The following BRSK2 variants were observed in gnomAD, a reference collection of about 807,000 sequenced individuals.
BRSK2 encodes BR serine/threonine kinase 2.
BRSK2 carries 19 observed loss-of-function variants against 83.3 expected under a neutral mutation model. The ratio of observed to expected loss-of-function variants is 0.23; its 90% CI spans 0.16 to 0.33. The LOEUF (loss-of-function observed/expected upper bound fraction) is 0.33, where lower values mean the gene tolerates loss of function less well. Ranked by LOEUF, BRSK2 falls within the 10% of genes least tolerant of loss-of-function variation. The pLI is 1.00. For missense variants in BRSK2, 798 were observed against 1,042.3 expected (o/e 0.77, Z 3.23); for synonymous variants, 519 against 435.4 (o/e 1.19, Z -2.39).
chr11:1,392,241 G>A (rs542818934), intron 1 of BRSK2, among the ~76,000 whole-genome samples: 99 of 152,340 alleles, frequency 6.5e-4, no homozygotes, highest in African/African-American at 2.4e-3. Context: ...GCTCAAGAGG[G>A]AGATAGGCTT....
rs1160431925 is a variant in BRSK2 at position 1,390,543 on chromosome 11, C to G, written c.91+168C>G. ...CCCCGTCCGCTCGTGCGCCCCGGTT[C>G]CGCCGCGGATCCCGCAGGCCGCTTG... On this transcript the variant is annotated intron_variant, in intron 1 of 19. Transcript: ENST00000528841. The surrounding 1 kb of genome is among the most constrained non-coding windows in gnomAD (Gnocchi z 6.8). 7.0e-6 allele frequency among the ~76,000 whole-genome samples: 1 copy of G among 143,626 alleles called. No homozygotes were observed. Among genetic ancestry groups the G allele is most frequent in the African/African-American group, 2.5e-5 (1 of 40,284 alleles). The allele number at this position is 143,626 out of a possible 152,430, so 94.2% of individuals were successfully genotyped here. A position where few individuals can be genotyped will look rare whatever the true frequency, so the allele number is the denominator to read the frequency against.
At chr11:1,448,907 C>T (rs1333650639) in intron 12 of BRSK2, among the ~76,000 whole-genome samples, 1 of 152,230 alleles carries the variant, frequency 6.6e-6, no homozygotes, top group Non-Finnish European at 1.5e-5. Flanking sequence ...ACTAGCGAGG[C>T]CCCTCGTGGC....
intron 12 of BRSK2, chr11:1,447,713 C>T (rs1340831459): frequency 2.3e-6 from 3 of 1,298,136 alleles, no homozygotes; most frequent in Admixed American, 2.0e-5. Context: ...GGAGTTCTTA[C>T]CCGGTGTGGC....
At chr11:1,396,866 C>G (rs532349310) in intron 1 of BRSK2, among the ~76,000 whole-genome samples, 2 of 152,354 alleles carry the variant, frequency 1.3e-5, no homozygotes, top group South Asian at 4.1e-4. Context: ...GCCCTGCCCT[C>G]AGCTCTGGAC....
chr11:1,397,323 T>C (rs1377029462), intron 1 of BRSK2, among the ~76,000 whole-genome samples: 5 of 152,128 alleles, frequency 3.3e-5, no homozygotes, highest in Non-Finnish European at 2.9e-5. Flanking sequence ...GCACGGATTG[T>C]GCCAAGCCGG....
intron 1 of BRSK2, among the ~76,000 whole-genome samples, chr11:1,419,644 C>G (rs1401122072): frequency 6.6e-6 from 1 of 152,230 alleles, no homozygotes; most frequent in Non-Finnish European, 1.5e-5. Context: ...GACACAGTGG[C>G]TCACGCCTGT....
At position 1,443,645 on chromosome 11, in the gene BRSK2, C is replaced by G. The variant is rs746076554; in HGVS notation, c.780+10C>G. On this transcript the variant is annotated intron_variant, in intron 8 of 19. Transcript: ENST00000528841. ...CGCACGCCGCCTCACGGTGCGTGCC[C>G]TCGGAGCGGGGCGGCCCCAGAGCGT... is the stretch of plus-strand genomic sequence containing the variant. 1.3e-6 allele frequency: 2 copies of G among 1,584,448 alleles called. No homozygotes were observed. Among genetic ancestry groups the G allele is most frequent in the Non-Finnish European group, 1.7e-6 (2 of 1,165,780 alleles).
At chr11:1,393,290 C>A (rs1376843961) in intron 1 of BRSK2, among the ~76,000 whole-genome samples, 13 of 152,226 alleles carry the variant, frequency 8.5e-5, no homozygotes, top group Non-Finnish European at 1.5e-4. Flanking sequence ...AGCAGGGCAC[C>A]TTCTTGCCCA....
intron 19 of BRSK2, 107 bp from the exon 20 acceptor site, chr11:1,460,389 ATTTG>A (rs913641797): frequency 1.3e-4 from 118 of 943,712 alleles, no homozygotes; most frequent in African/African-American, 2.4e-4. Flanking sequence ...CTCTTCGTTC[ATTTG>A]TTTGTTTGTT....
intron 1 of BRSK2, among the ~76,000 whole-genome samples, chr11:1,411,941 C>T (rs1564806836): frequency 1.3e-5 from 2 of 152,204 alleles, no homozygotes. Context: ...GCCTTGGTCA[C>T]CAGCCTTAAC....
At position 1,456,425 on chromosome 11, in the gene BRSK2, G is replaced by A. The variant is rs1208065680; in HGVS notation, c.1746G>A (p.Val582=). 38 of 1,598,114 alleles carry A rather than the reference G, an allele frequency of 2.4e-5. No homozygotes were observed. The highest frequency in any genetic ancestry group is 4.0e-5 in the African/African-American group (3 of 74,358). Residue 582 remains valine, a synonymous_variant, in exon 17 of 20, where the codon GTG becomes GTA. Coordinates refer to ENST00000528841, the MANE Select transcript of BRSK2 (RefSeq NM_001256627.2). ...ACAAGGCCACGGGGGGGCCAGCCGT[G>A]TTCCAGAAGCCGGTCAAGTTCCAGG... ...AEYKATGGPA[V]FQKPVKFQVD... is the part of the protein sequence containing the mutation.
chr11:1,442,486 C>G lies in BRSK2; in HGVS notation c.414-4C>G. The G allele has an allele frequency of 6.2e-7, 1 of 1,611,372 alleles. No homozygotes were observed. Among genetic ancestry groups the G allele is most frequent in the South Asian group, 1.1e-5 (1 of 91,022 alleles). On this transcript the variant is annotated splice_polypyrimidine_tract_variant and splice_region_variant and intron_variant, in intron 4 of 19. Transcript: ENST00000528841. ...CTGTTCAGCCTCACCACCCTCCTCC[C>G]CAGCCACAGGGATCTGAAACCTGAA...
At chr11:1,455,977 C>T (rs1166896446) in intron 16 of BRSK2, among the ~76,000 whole-genome samples, 1 of 152,144 alleles carries the variant, frequency 6.6e-6, no homozygotes, top group African/African-American at 2.4e-5. Context: ...GCTCCCAGAC[C>T]CCCCACCTCC....
chr11:1,459,278 C>T (rs1847096229), intron 19 of BRSK2, 39 bp downstream of exon 19: 1 of 1,609,076 alleles, frequency 6.2e-7, no homozygotes, highest in Non-Finnish European at 8.5e-7. Context: ...CTCCACCTGC[C>T]ACTTCACCGC....
chr11:1,459,047 C>T lies in BRSK2; in HGVS notation c.1940-145C>T, dbSNP rs1590723344. The T allele has an allele frequency of 5.2e-6, 4 of 771,496 alleles. 1 individual carries two copies. In the East Asian group the frequency reaches 7.7e-5, roughly 15 times the overall value. 47.8% of individuals were successfully genotyped at this position (771,496 alleles called of 1,614,324 possible). Reference sequence around the variant, plus strand: ...AGCCCCGCCCCCTCTGGCTCTGGCCCCCCCAGTATTCCCCACCCATGCCTC... The same window carrying T: ...AGCCCCGCCCCCTCTGGCTCTGGCCTCCCCAGTATTCCCCACCCATGCCTC... On this transcript the variant is annotated intron_variant, in intron 18 of 19. Coordinates refer to ENST00000528841, the MANE Select transcript of BRSK2 (RefSeq NM_001256627.2).
At chr11:1,403,020 G>A (rs573501855) in intron 1 of BRSK2, among the ~76,000 whole-genome samples, 3 of 152,278 alleles carry the variant, frequency 2.0e-5, no homozygotes, top group African/African-American at 7.2e-5. Context: ...GATGGCGTGG[G>A]TGGGAGGACG....
intron 1 of BRSK2, among the ~76,000 whole-genome samples, chr11:1,399,654 G>A (rs921806265): frequency 6.6e-6 from 1 of 152,170 alleles, no homozygotes; most frequent in Admixed American, 6.5e-5. Context: ...TGTCCTGCCC[G>A]TCCCTCTGCT....
chr11:1,398,701 G>A (rs1218019027), intron 1 of BRSK2, among the ~76,000 whole-genome samples: 5 of 152,194 alleles, frequency 3.3e-5, no homozygotes, highest in African/African-American at 7.2e-5. Context: ...GCCCCAGTCC[G>A]CATAGGCCTT....
At chr11:1,446,144 A>ACTGGG (rs1195410552) in intron 12 of BRSK2, among the ~76,000 whole-genome samples, 1 of 123,974 alleles carries the variant, frequency 8.1e-6, no homozygotes, top group South Asian at 2.7e-4. Flanking sequence ...GCTGGACTGG[A>ACTGGG]CTGGGCTAGG....
Sources: gnomAD v4.1 joint callset for allele counts (sites outside exome capture counted in the v4.1 genomes callset) on GRCh38, gnomAD v4.1.1 for gene constraint, Gnocchi (gnomAD v3.1) non-coding constraint, MANE v1.5 for transcripts, NCBI Gene and HGNC (gene_info 2026-07-23, HGNC 2026-07-21) for gene names.